CCBE1: variants seen among roughly 807,000 people sequenced by gnomAD.
CCBE1 encodes collagen and calcium-binding EGF domain-containing protein 1.
CCBE1 carries 37 observed loss-of-function variants against 50.0 expected under a neutral mutation model. The observed-to-expected ratio is 0.74, with a 90% CI of 0.57 to 0.97. CCBE1 has a LOEUF of 0.97. CCBE1 is among the 50% of genes least tolerant of loss of function. The probability of loss-of-function intolerance (pLI) is 0.00; values close to 1 mark genes in which losing one functional copy is unlikely to be tolerated. For synonymous variants in CCBE1, 234 were observed against 203.7 expected, an observed-to-expected ratio of 1.15 and a Z score of -1.27; for missense variants, 538 against 523.8, an observed-to-expected ratio of 1.03 and a Z score of -0.26.
chr18:59,683,024 C>G (rs77990294), intron 2 of CCBE1, among the ~76,000 whole-genome samples: 2,180 of 152,326 alleles, frequency 0.014, 23 homozygotes, highest in Non-Finnish European at 0.023. Context: ...TAACAATCTC[C>G]ATTCCCTTGG....
chr18:59,453,765 C>T (rs761253207), intron 6 of CCBE1, among the ~76,000 whole-genome samples: 1 of 152,086 alleles, frequency 6.6e-6, no homozygotes, highest in South Asian at 2.1e-4. Context: ...ACAAACAAAA[C>T]AAGAAGATGT....
intron 2 of CCBE1, among the ~76,000 whole-genome samples, chr18:59,493,888 TC>T (rs1913226956): frequency 1.3e-5 from 2 of 152,104 alleles, no homozygotes; most frequent in South Asian, 4.2e-4. Context: ...AGTGAATAAA[TC>T]CCATGAGATC....
chr18:59,634,608 G>A (rs2053892958), intron 2 of CCBE1, among the ~76,000 whole-genome samples: 2 of 152,146 alleles, frequency 1.3e-5, no homozygotes, highest in South Asian at 4.1e-4. Context: ...AATAGCAAAA[G>A]AGAGAAATAG....
At chr18:59,694,663 G>A (rs1369167009) in intron 2 of CCBE1, among the ~76,000 whole-genome samples, 1 of 151,992 alleles carries the variant, frequency 6.6e-6, no homozygotes, top group African/African-American at 2.4e-5. Flanking sequence ...AGGTAGTGAG[G>A]GTATAAAGGG....
chr18:59,550,148 T>C (rs1377860914), intron 2 of CCBE1, among the ~76,000 whole-genome samples: 1 of 152,034 alleles, frequency 6.6e-6, no homozygotes, highest in African/African-American at 2.4e-5. Context: ...ACCCTATAGA[T>C]ACCCAAGCCA....
At chr18:59,663,744 G>A (rs527243603) in intron 2 of CCBE1, among the ~76,000 whole-genome samples, 289 of 152,262 alleles carry the variant, frequency 1.9e-3, no homozygotes, top group Non-Finnish European at 3.6e-3. Flanking sequence ...TGGCAGTAGG[G>A]ATGTACAGGA....
At chr18:59,513,450 G>T (rs34175168) in intron 2 of CCBE1, among the ~76,000 whole-genome samples, 2 of 152,302 alleles carry the variant, frequency 1.3e-5, no homozygotes, top group African/African-American at 4.8e-5. Context: ...AGGAAAGGAC[G>T]CTTTTCAACT....
At chr18:59,510,102 G>C (rs1248034301) in intron 2 of CCBE1, among the ~76,000 whole-genome samples, 1 of 152,200 alleles carries the variant, frequency 6.6e-6, no homozygotes, top group Non-Finnish European at 1.5e-5. Flanking sequence ...CACTGGGAAG[G>C]CCAGCTGCAA....
At chr18:59,667,259 C>A (rs959741800) in intron 2 of CCBE1, among the ~76,000 whole-genome samples, 1 of 152,130 alleles carries the variant, frequency 6.6e-6, no homozygotes. Flanking sequence ...CACAGGGAGA[C>A]CCTGACTCAA....
In CCBE1 at chr18:59,619,082, G is replaced by A. The variant is rs115773308; in HGVS notation, c.212+77547C>T. 3.1e-3 allele frequency among the ~76,000 whole-genome samples: 472 copies of A among 152,330 alleles called. 5 individuals are homozygous for A. Among genetic ancestry groups the A allele is most frequent in the African/African-American group, 0.011 (449 of 41,574 alleles). On this transcript the variant is annotated intron_variant, in intron 2 of 10. Transcript: ENST00000439986. ...GGAAAATAGAAAGTAACCTGAAGAT[G>A]TGAATATGTATTTAGCCTCAAAGTA...
chr18:59,549,577 C>A (rs374244004), intron 2 of CCBE1, among the ~76,000 whole-genome samples: 15 of 152,312 alleles, frequency 9.8e-5, no homozygotes, highest in Non-Finnish European at 1.9e-4. Flanking sequence ...CAGCAAAGAC[C>A]TTACTCCAAG....
intron 2 of CCBE1, among the ~76,000 whole-genome samples, chr18:59,567,418 G>C (rs2052846930): frequency 6.6e-6 from 1 of 152,234 alleles, no homozygotes. Context: ...ACAGGCGTGA[G>C]CCACTGCGCC....
At chr18:59,469,680 A>C in intron 3 of CCBE1, 73 bp from the exon 4 acceptor site, 1 of 1,599,140 alleles carries the variant, frequency 6.3e-7, no homozygotes, top group East Asian at 2.2e-5. Context: ...CCTGGAAAGG[A>C]CTTTCTGGGC....
chr18:59,490,930 G>T (rs1287926549), intron 2 of CCBE1, among the ~76,000 whole-genome samples: 1 of 152,124 alleles, frequency 6.6e-6, no homozygotes, highest in Non-Finnish European at 1.5e-5. Flanking sequence ...GCTAATTTTT[G>T]GAAGCACTGA....
intron 2 of CCBE1, among the ~76,000 whole-genome samples, chr18:59,695,439 C>T (rs1009115398): frequency 1.3e-5 from 2 of 152,190 alleles, no homozygotes; most frequent in African/African-American, 4.8e-5. Context: ...ACCCCCCGCA[C>T]ACGCCAAGAG....
chr18:59,505,091 C>T (rs1312918508), intron 2 of CCBE1, among the ~76,000 whole-genome samples: 5 of 152,196 alleles, frequency 3.3e-5, no homozygotes. Flanking sequence ...TTCATGGCCT[C>T]TAAGCTTCCA....
intron 2 of CCBE1, among the ~76,000 whole-genome samples, chr18:59,648,234 T>C (rs76870987): frequency 0.015 from 2,324 of 152,306 alleles, 66 homozygotes; most frequent in African/African-American, 0.053. Flanking sequence ...ACACATTCCC[T>C]TTTTCCCTCC....
Position 59,431,510 on chromosome 18 carries a change from G to T in CCBE1, c.*4398C>A, listed in dbSNP as rs6567083. Reference sequence around the variant, plus strand: ...GCACAGGCTGAGAAGTGGGGAGAGAGAGTGGGGAATGACACCCAAAATATG... The same window carrying T: ...GCACAGGCTGAGAAGTGGGGAGAGATAGTGGGGAATGACACCCAAAATATG... On this transcript the variant is annotated 3_prime_UTR_variant, in exon 11 of 11. Coordinates refer to ENST00000439986, the MANE Select transcript of CCBE1 (RefSeq NM_133459.4). The T allele has an allele frequency of 0.83, 126,375 of 152,098 alleles. 52,636 individuals carry two copies. Among genetic ancestry groups the T allele is most frequent in the South Asian group, 0.91 (4,379 of 4,816 alleles). The allele number at this position is 152,098 out of a possible 1,614,324, so 9.4% of individuals were successfully genotyped here.
chr18:59,676,872 C>A (rs1380131033), intron 2 of CCBE1, among the ~76,000 whole-genome samples: 1 of 152,056 alleles, frequency 6.6e-6, no homozygotes, highest in African/African-American at 2.4e-5. Flanking sequence ...GGGGGAAGAC[C>A]TTTTATCCAG....
Sources: allele counts gnomAD v4.1 joint callset (sites outside exome capture counted in the v4.1 genomes callset), GRCh38; gene constraint gnomAD v4.1.1; transcripts MANE v1.5; gene names NCBI Gene and HGNC (gene_info 2026-07-23, HGNC 2026-07-21).